MTA3: variants seen among roughly 807,000 people sequenced by gnomAD.
The protein encoded by MTA3 is metastasis associated 1 family member 3.
MTA3 carries 34 observed loss-of-function variants against 83.5 expected under a neutral mutation model. The observed-to-expected ratio is 0.41, with a 90% CI of 0.31 to 0.54. The LOEUF is 0.54. Among genes scored for constraint, MTA3 ranks in the 20% least tolerant of loss-of-function variants. The pLI, the probability that MTA3 is intolerant of heterozygous loss-of-function variation, is 0.33. For missense variants in MTA3, 761 were observed against 726.4 expected, an observed-to-expected ratio of 1.05 and a Z score of -0.55; for synonymous variants, 303 against 252.7, an observed-to-expected ratio of 1.20 and a Z score of -1.89.
chr2:42,535,527 C>CCCTT (rs1335291076), intron 2 of MTA3, among the ~76,000 whole-genome samples: 1 of 152,186 alleles, frequency 6.6e-6, no homozygotes, highest in Non-Finnish European at 1.5e-5. Flanking sequence ...GCACCCAACT[C>CCCTT]CCTTCCTTCC....
At chr2:42,689,316 T>C (rs1692671553) in intron 9 of MTA3, among the ~76,000 whole-genome samples, 1 of 152,218 alleles carries the variant, frequency 6.6e-6, no homozygotes, top group Admixed American at 6.5e-5. Flanking sequence ...ATACATTTAT[T>C]GTGTGGAACA....
chr2:42,720,339 C>T (rs994057872), intron 15 of MTA3, among the ~76,000 whole-genome samples: 1 of 152,062 alleles, frequency 6.6e-6, no homozygotes, highest in Non-Finnish European at 1.5e-5. Flanking sequence ...TCCGCCACCA[C>T]GTCCAGCTAA....
At chr2:42,537,115 C>A (rs1399743447) in intron 2 of MTA3, among the ~76,000 whole-genome samples, 1 of 152,150 alleles carries the variant, frequency 6.6e-6, no homozygotes, top group Non-Finnish European at 1.5e-5. Flanking sequence ...CAGCTGACCT[C>A]CTCCACATTC....
At chr2:42,562,220 C>T (rs1436527033) in intron 2 of MTA3, among the ~76,000 whole-genome samples, 1 of 152,150 alleles carries the variant, frequency 6.6e-6, no homozygotes, top group East Asian at 1.9e-4. Context: ...TTGAGATCTT[C>T]AGCTTAATTA....
intron 2 of MTA3, among the ~76,000 whole-genome samples, chr2:42,496,606 A>G (rs1385672599): frequency 1.2e-5 from 1 of 84,576 alleles, no homozygotes; most frequent in Non-Finnish European, 2.3e-5. Flanking sequence ...TTCAGAACCT[A>G]GGAAAAAAAA....
chr2:42,594,728 A>ATATATATATATATTTTTTTTTTTTTT, intron 3 of MTA3, among the ~76,000 whole-genome samples: 2 of 24,044 alleles, frequency 8.3e-5, no homozygotes, highest in African/African-American at 2.2e-4. Flanking sequence ...ATATATATAT[A>ATATATATATATATTTTTTTTTTTTTT]TTTTTTTTTT....
At chr2:42,553,893 A>G (rs1203689518) in intron 2 of MTA3, among the ~76,000 whole-genome samples, 3 of 144,248 alleles carry the variant, frequency 2.1e-5, no homozygotes, top group African/African-American at 7.7e-5. Context: ...AAAAAGAAAA[A>G]AAAACGAAAG....
At chr2:42,646,700 C>T (rs998641103) in intron 6 of MTA3, among the ~76,000 whole-genome samples, 19 of 152,030 alleles carry the variant, frequency 1.2e-4, no homozygotes, top group South Asian at 4.2e-4. Flanking sequence ...AGTGAGTAGT[C>T]GATTCTTATG....
intron 2 of MTA3, among the ~76,000 whole-genome samples, chr2:42,543,782 G>T (rs185379740): frequency 2.3e-4 from 34 of 151,006 alleles, no homozygotes; most frequent in African/African-American, 8.0e-4. Flanking sequence ...CGCTATGCCT[G>T]GTCTTTAAGC....
intron 16 of MTA3, among the ~76,000 whole-genome samples, chr2:42,745,970 C>G (rs1172091362): frequency 6.6e-6 from 1 of 151,832 alleles, no homozygotes; most frequent in Non-Finnish European, 1.5e-5. Context: ...TGCGCCACCA[C>G]GCCCAGCTAA....
chr2:42,554,595 C>A (rs535786072), intron 2 of MTA3, among the ~76,000 whole-genome samples: 13 of 152,210 alleles, frequency 8.5e-5, no homozygotes, highest in African/African-American at 4.8e-5. Context: ...GTGAGGGACC[C>A]CACAGGGAGG....
At chr2:42,656,059 A>C (rs184104072) in intron 6 of MTA3, 141 bp from the exon 7 acceptor site, 4 of 593,586 alleles carry the variant, frequency 6.7e-6, no homozygotes, top group Middle Eastern at 2.8e-4. Context: ...TTGTACATCT[A>C]CGTCTGAAAG....
chr2:42,530,699 C>A (rs1472302513), intron 2 of MTA3, among the ~76,000 whole-genome samples: 1 of 150,124 alleles, frequency 6.7e-6, no homozygotes, highest in Admixed American at 6.6e-5. Flanking sequence ...GCAGGAGAAT[C>A]GCTTGAACCT....
chr2:42,521,904 G>A (rs1675445787), intron 2 of MTA3, among the ~76,000 whole-genome samples: 1 of 151,996 alleles, frequency 6.6e-6, no homozygotes, highest in Non-Finnish European at 1.5e-5. Flanking sequence ...ACAGGCACCT[G>A]CCATCATGTC....
chr2:42,713,546 T>G (rs931214373), intron 14 of MTA3, among the ~76,000 whole-genome samples: 1 of 152,192 alleles, frequency 6.6e-6, no homozygotes, highest in Non-Finnish European at 1.5e-5. Context: ...ACAAAAGTGG[T>G]TACAAATCTC....
At chr2:42,646,469 C>A (rs1688196903) in intron 6 of MTA3, among the ~76,000 whole-genome samples, 1 of 152,170 alleles carries the variant, frequency 6.6e-6, no homozygotes, top group African/African-American at 2.4e-5. Context: ...ATGCCAGTAA[C>A]AACAACTGTA....
intron 4 of MTA3, among the ~76,000 whole-genome samples, chr2:42,627,633 G>A (rs1056299851): frequency 6.6e-6 from 1 of 150,722 alleles, no homozygotes; most frequent in African/African-American, 2.4e-5. Flanking sequence ...GTGTCATCTT[G>A]GCTCACTGCA....
chr2:42,660,704 C>T (rs1430375202), intron 8 of MTA3, among the ~76,000 whole-genome samples: 1 of 152,218 alleles, frequency 6.6e-6, no homozygotes, highest in East Asian at 1.9e-4. Flanking sequence ...GTATTCATTA[C>T]ATGTAACAAA....
rs1219144558 is a variant in MTA3, at chr2:42,697,700, G to T, written c.967-76G>T. ...ATTACACTTTAATACGTATTTTCTT[G>T]TGAATTTTTAAGACAATGAACAGTA... is the stretch of plus-strand genomic sequence containing the variant. On this transcript the variant is annotated intron_variant, in intron 10 of 16. Transcript: ENST00000405094. 3.7e-5 allele frequency: 38 copies of T among 1,026,726 alleles called. 1 individual carries two copies. In the East Asian group the frequency reaches 1.0e-3, roughly 27 times the overall value. The allele number at this position is 1,026,726 out of a possible 1,614,324, so 63.6% of individuals were successfully genotyped here. A position where few individuals can be genotyped will look rare whatever the true frequency, so the allele number is the denominator to read the frequency against.
Sources: gnomAD v4.1 joint callset for allele counts (sites outside exome capture counted in the v4.1 genomes callset) on GRCh38, gnomAD v4.1.1 for gene constraint, MANE v1.5 for transcripts, NCBI Gene and HGNC (gene_info 2026-07-23, HGNC 2026-07-21) for gene names.